Variants in DIRAS2 observed in about 807,000 individuals in gnomAD.
DIRAS2 encodes DIRAS family GTPase 2.
A neutral mutation model predicts 13.9 loss-of-function variants in DIRAS2; 5 were observed. That is an observed-to-expected ratio of 0.36 (90% CI 0.19 to 0.76). The LOEUF (loss-of-function observed/expected upper bound fraction) is 0.76, where lower values mean the gene tolerates loss of function less well. Ranked by LOEUF, DIRAS2 falls within the 30% of genes least tolerant of loss-of-function variation. DIRAS2 has a pLI of 0.53. For synonymous variants in DIRAS2, 111 were observed against 105.4 expected, an observed-to-expected ratio of 1.05 and a Z score of -0.33; for missense variants, 191 against 263.0, an observed-to-expected ratio of 0.73 and a Z score of 1.89.
chr9:90,632,225 C>G (rs1250468432), intron 1 of DIRAS2, among the ~76,000 whole-genome samples: 1 of 152,192 alleles, frequency 6.6e-6, no homozygotes, highest in Non-Finnish European at 1.5e-5. Context: ...GTCTCCCTGA[C>G]AGTAACAGCT....
At position 90,612,918 on chromosome 9, in the gene DIRAS2, T is replaced by C. The variant is rs1825129127; in HGVS notation, c.*310A>G. 3 of 376,224 alleles carry C rather than the reference T, an allele frequency of 8.0e-6. No homozygotes were observed. Among genetic ancestry groups the C allele is most frequent in the Admixed American group, 8.5e-5 (2 of 23,524 alleles). 23.3% of individuals were successfully genotyped at this position (376,224 alleles called of 1,614,324 possible). On this transcript the variant is annotated 3_prime_UTR_variant, in exon 2 of 2. Transcript: ENST00000375765. ...AGTCCTCTCGGTACATGTTGCTTTG[T>C]GGGTACCAGTCCTCCCTCCCACCTT...
chr9:90,624,286 G>A (rs905985214), intron 1 of DIRAS2, among the ~76,000 whole-genome samples: 1 of 152,078 alleles, frequency 6.6e-6, no homozygotes, highest in Non-Finnish European at 1.5e-5. Flanking sequence ...TTCCTTCTTA[G>A]CTCAATCTAA....
chr9:90,625,593 T>C (rs1413556979), intron 1 of DIRAS2, among the ~76,000 whole-genome samples: 1 of 152,206 alleles, frequency 6.6e-6, no homozygotes, highest in African/African-American at 2.4e-5. Context: ...CCCCATTGAA[T>C]GGTCTAAGTC....
At chr9:90,639,558 G>A (rs765708802) in intron 1 of DIRAS2, among the ~76,000 whole-genome samples, 21 of 151,960 alleles carry the variant, frequency 1.4e-4, no homozygotes. Context: ...CTGCAATCAA[G>A]AATAAGGTTG....
intron 1 of DIRAS2, among the ~76,000 whole-genome samples, chr9:90,622,122 C>T (rs1336082542): frequency 6.6e-6 from 1 of 152,058 alleles, no homozygotes; most frequent in African/African-American, 2.4e-5. Context: ...CGTGATAGCA[C>T]ACACTTGTGA....
intron 1 of DIRAS2, among the ~76,000 whole-genome samples, chr9:90,614,916 A>G (rs1244715652): frequency 6.6e-6 from 1 of 152,226 alleles, no homozygotes; most frequent in East Asian, 1.9e-4. Context: ...CAATCTATCA[A>G]AATTTTTTCA....
At chr9:90,616,191 C>T (rs1375490912) in intron 1 of DIRAS2, among the ~76,000 whole-genome samples, 3 of 152,150 alleles carry the variant, frequency 2.0e-5, no homozygotes, top group Non-Finnish European at 2.9e-5. Context: ...AAACTGGCAA[C>T]GAACACATAG....
intron 1 of DIRAS2, among the ~76,000 whole-genome samples, chr9:90,636,534 C>G (rs79580508): frequency 0.034 from 5,243 of 152,306 alleles, 127 homozygotes; most frequent in Admixed American, 0.054. Flanking sequence ...TTCATTGGCT[C>G]ATTGTTTCAC....
At chr9:90,639,686 A>C (rs1184644122) in intron 1 of DIRAS2, among the ~76,000 whole-genome samples, 1 of 152,244 alleles carries the variant, frequency 6.6e-6, no homozygotes, top group Non-Finnish European at 1.5e-5. Context: ...CCTAGGCTGC[A>C]TGTGAGTTGG....
At chr9:90,614,200 T>A (rs72744799) in intron 1 of DIRAS2, among the ~76,000 whole-genome samples, 4,945 of 151,986 alleles carry the variant, frequency 0.033, 133 homozygotes, top group South Asian at 0.12. Context: ...ACTACCCCCG[T>A]AAAAACACAA....
At chr9:90,622,349 A>G (rs1236279145) in intron 1 of DIRAS2, among the ~76,000 whole-genome samples, 2 of 152,160 alleles carry the variant, frequency 1.3e-5, no homozygotes, top group Non-Finnish European at 2.9e-5. Flanking sequence ...TCACTGCAGG[A>G]GTAGGTAGTA....
intron 1 of DIRAS2, among the ~76,000 whole-genome samples, chr9:90,641,127 C>CAGGAGGAG: frequency 6.6e-6 from 1 of 152,250 alleles, no homozygotes; most frequent in South Asian, 2.1e-4. Flanking sequence ...AGGTCTCCTC[C>CAGGAGGAG]ACTCTTCTCA....
At position 90,625,102 on chromosome 9, in the gene DIRAS2, T is replaced by G. The variant is rs186725196; in HGVS notation, c.-36-11239A>C. Reference sequence around the variant, plus strand: ...ATGACCGATGCAGCATGCTAACCTCTGCAGGGAAATAGTTACACAAAGATA... The same window carrying G: ...ATGACCGATGCAGCATGCTAACCTCGGCAGGGAAATAGTTACACAAAGATA... On this transcript the variant is annotated intron_variant, in intron 1 of 1. Transcript: ENST00000375765. Among the ~76,000 whole-genome samples the G allele has an allele frequency of 1.4e-3, 210 of 152,322 alleles. 1 individual carries two copies. The highest frequency in any genetic ancestry group is 4.7e-3 in the African/African-American group (195 of 41,574).
At chr9:90,631,656 C>T (rs961146481) in intron 1 of DIRAS2, among the ~76,000 whole-genome samples, 11 of 152,126 alleles carry the variant, frequency 7.2e-5, no homozygotes, top group African/African-American at 2.2e-4. Context: ...ACTCTTCCTT[C>T]GCTGCTACTC....
At chr9:90,618,746 A>G (rs1825192075) in intron 1 of DIRAS2, among the ~76,000 whole-genome samples, 1 of 152,256 alleles carries the variant, frequency 6.6e-6, no homozygotes, top group Admixed American at 6.5e-5. Context: ...GACATTTCTC[A>G]AAAGAAGATA....
At chr9:90,614,441 ACT>A (rs1825147819) in intron 1 of DIRAS2, among the ~76,000 whole-genome samples, 1 of 151,706 alleles carries the variant, frequency 6.6e-6, no homozygotes, top group Admixed American at 6.6e-5. Flanking sequence ...AATCCTCACC[ACT>A]CTGCAGGAGT....
chr9:90,639,838 A>G (rs1825402686), intron 1 of DIRAS2, among the ~76,000 whole-genome samples: 1 of 152,186 alleles, frequency 6.6e-6, no homozygotes, highest in Admixed American at 6.5e-5. Flanking sequence ...AGGACACATA[A>G]CTCACAGCAA....
chr9:90,642,113 C>T (rs1031016499), intron 1 of DIRAS2, among the ~76,000 whole-genome samples: 6 of 152,262 alleles, frequency 3.9e-5, no homozygotes, highest in African/African-American at 1.4e-4. Context: ...GAAGCCAGCA[C>T]TGCTTTTCAG....
intron 1 of DIRAS2, among the ~76,000 whole-genome samples, chr9:90,629,554 G>GA (rs1002717611): frequency 1.3e-5 from 2 of 151,738 alleles, no homozygotes; most frequent in Admixed American, 1.3e-4. Context: ...CTGACGGTGT[G>GA]AAAAAAACCA....
Sources: allele counts gnomAD v4.1 joint callset (sites outside exome capture counted in the v4.1 genomes callset), GRCh38; gene constraint gnomAD v4.1.1; transcripts MANE v1.5; gene names NCBI Gene and HGNC (gene_info 2026-07-23, HGNC 2026-07-21).